EYS: variants seen among roughly 807,000 people sequenced by gnomAD.
The protein encoded by EYS is protein eyes shut homolog.
In EYS, 250 loss-of-function variants were observed where a neutral mutation model predicts 282.1. The ratio of observed to expected loss-of-function variants is 0.89; its 90% confidence interval spans 0.80 to 0.98. EYS has a LOEUF of 0.98. Among genes scored for constraint, EYS ranks in the 50% least tolerant of loss-of-function variants. The probability of loss-of-function intolerance (pLI) is 0.00; values close to 1 mark genes in which losing one functional copy is unlikely to be tolerated. For synonymous variants in EYS, 1,355 were observed against 1,282.9 expected (o/e 1.06, Z -1.20); for missense variants, 4,016 against 3,709.0 (o/e 1.08, Z -2.15).
At chr6:63,964,890 A>T (rs1347438747) in intron 35 of EYS, among the ~76,000 whole-genome samples, 1 of 152,234 alleles carries the variant, frequency 6.6e-6, no homozygotes, top group East Asian at 1.9e-4. Flanking sequence ...TGAGGCAGTT[A>T]CTGTCATATT....
intron 5 of EYS, among the ~76,000 whole-genome samples, chr6:65,433,257 C>T (rs1163373239): frequency 6.6e-6 from 1 of 152,008 alleles, no homozygotes; most frequent in East Asian, 1.9e-4. Flanking sequence ...CAAGTGAAGA[C>T]GGTACTTTAA....
chr6:64,096,051 C>A (rs992625919), intron 31 of EYS, among the ~76,000 whole-genome samples: 2 of 152,160 alleles, frequency 1.3e-5, no homozygotes, highest in African/African-American at 4.8e-5. Context: ...GTTGATAATT[C>A]TTTTCTTTAA....
At chr6:64,882,208 CAA>C (rs1194299372) in intron 19 of EYS, among the ~76,000 whole-genome samples, 1 of 151,690 alleles carries the variant, frequency 6.6e-6, no homozygotes, top group African/African-American at 2.4e-5. Context: ...TTAAACAGAG[CAA>C]AAGAGTGACG....
At chr6:64,625,031 G>A (rs1233721542) in intron 23 of EYS, among the ~76,000 whole-genome samples, 2 of 152,048 alleles carry the variant, frequency 1.3e-5, no homozygotes, top group Non-Finnish European at 2.9e-5. Flanking sequence ...TATCATGACT[G>A]GCTCAATAAC....
chr6:64,121,293 G>T (rs1322600138), intron 31 of EYS, among the ~76,000 whole-genome samples: 3 of 152,218 alleles, frequency 2.0e-5, no homozygotes, highest in African/African-American at 4.8e-5. Context: ...CATTCAAAAG[G>T]AGATAATTAT....
At chr6:64,532,691 G>T (rs962051347) in intron 26 of EYS, among the ~76,000 whole-genome samples, 1 of 151,996 alleles carries the variant, frequency 6.6e-6, no homozygotes, top group Non-Finnish European at 1.5e-5. Context: ...CCTGGGTGAC[G>T]GAGTGAGACT....
intron 26 of EYS, among the ~76,000 whole-genome samples, chr6:64,545,501 G>C (rs544287672): frequency 6.6e-6 from 1 of 152,300 alleles, no homozygotes; most frequent in South Asian, 2.1e-4. Context: ...ATTCAACGTA[G>C]TGTTGGAAGT....
At chr6:64,154,366 G>C (rs1774843179) in intron 31 of EYS, among the ~76,000 whole-genome samples, 1 of 146,640 alleles carries the variant, frequency 6.8e-6, no homozygotes, top group Non-Finnish European at 1.5e-5. Context: ...CCTGAACCCA[G>C]GAGGCAGAGG....
intron 7 of EYS, among the ~76,000 whole-genome samples, chr6:65,387,802 T>C (rs1326798990): frequency 6.6e-6 from 1 of 151,944 alleles, no homozygotes; most frequent in African/African-American, 2.4e-5. Flanking sequence ...AAATGAACAG[T>C]TATATTTGTA....
intron 12 of EYS, among the ~76,000 whole-genome samples, chr6:65,120,712 C>T (rs73766203): frequency 0.013 from 1,981 of 152,214 alleles, 33 homozygotes; most frequent in African/African-American, 0.045. Context: ...CTGTGAATCA[C>T]CTCTTCGCCC....
intron 2 of EYS, among the ~76,000 whole-genome samples, chr6:65,524,602 A>T (rs1249748377): frequency 6.6e-6 from 1 of 152,152 alleles, no homozygotes; most frequent in Admixed American, 6.5e-5. Flanking sequence ...CAAACCACTT[A>T]CTTCAGGTTG....
chr6:64,523,215 C>G (rs1777813468), intron 26 of EYS, among the ~76,000 whole-genome samples: 1 of 151,628 alleles, frequency 6.6e-6, no homozygotes. Flanking sequence ...TCAGAGAATT[C>G]AAAATAAGAA....
intron 2 of EYS, among the ~76,000 whole-genome samples, chr6:65,546,518 T>A (rs894681483): frequency 6.6e-6 from 1 of 152,166 alleles, no homozygotes; most frequent in Non-Finnish European, 1.5e-5. Context: ...AAGAGTTTTA[T>A]TCTCCACTAG....
At chr6:64,486,408 A>C (rs1047965319) in intron 26 of EYS, among the ~76,000 whole-genome samples, 2 of 151,448 alleles carry the variant, frequency 1.3e-5, no homozygotes, top group African/African-American at 4.8e-5. Flanking sequence ...AATCCAAAAG[A>C]ATTCAAGGGA....
At chr6:64,566,963 C>A (rs1254299461) in intron 26 of EYS, among the ~76,000 whole-genome samples, 3 of 152,010 alleles carry the variant, frequency 2.0e-5, no homozygotes, top group African/African-American at 7.2e-5. Context: ...TTAATAGAGA[C>A]AGGGTTTCAC....
intron 29 of EYS, among the ~76,000 whole-genome samples, chr6:64,373,890 C>T (rs1246658753): frequency 1.3e-5 from 2 of 152,024 alleles, no homozygotes; most frequent in East Asian, 1.9e-4. Context: ...AAGCCGTGCT[C>T]TCCAGCTGAG....
intron 12 of EYS, among the ~76,000 whole-genome samples, chr6:65,178,595 C>T (rs957776616): frequency 1.3e-5 from 2 of 151,980 alleles, no homozygotes; most frequent in African/African-American, 2.4e-5. Flanking sequence ...GACTTAGACT[C>T]CCACACATTA....
intron 30 of EYS, among the ~76,000 whole-genome samples, chr6:64,293,018 T>A (rs1303569912): frequency 6.6e-6 from 1 of 152,040 alleles, no homozygotes; most frequent in Non-Finnish European, 1.5e-5. Flanking sequence ...AGCTTTAGAA[T>A]CAGACTGTTA....
intron 11 of EYS, among the ~76,000 whole-genome samples, chr6:65,313,078 C>T (rs915436983): frequency 6.6e-6 from 1 of 152,130 alleles, no homozygotes; most frequent in African/African-American, 2.4e-5. Context: ...TTCCTCACAC[C>T]TCTTAAAGAG....
Sources: allele counts gnomAD v4.1 joint callset (sites outside exome capture counted in the v4.1 genomes callset), GRCh38; gene constraint gnomAD v4.1.1; transcripts MANE v1.5; gene names NCBI Gene and HGNC (gene_info 2026-07-23, HGNC 2026-07-21).